Variants in DDI2 observed in about 807,000 individuals in gnomAD.
DDI2 encodes the protein protein DDI1 homolog 2.
DDI2 carries 5 observed loss-of-function variants against 48.1 expected under a neutral mutation model. The observed-to-expected ratio is 0.10, with a 90% confidence interval of 0.05 to 0.22. The LOEUF (loss-of-function observed/expected upper bound fraction) is 0.22. DDI2 is among the 10% of genes least tolerant of loss of function. The pLI, the probability that DDI2 is intolerant of heterozygous loss-of-function variation, is 1.00. For missense variants in DDI2, 285 were observed against 506.2 expected (o/e 0.56, Z 4.19); for synonymous variants, 205 against 183.6 (o/e 1.12, Z -0.94).
At chr1:15,654,757 AG>A (rs1640246123) in intron 8 of DDI2, among the ~76,000 whole-genome samples, 1 of 152,102 alleles carries the variant, frequency 6.6e-6, no homozygotes, top group South Asian at 2.1e-4. Flanking sequence ...TTTTGTAGGA[AG>A]GGAGGAATTT....
intron 1 of DDI2, among the ~76,000 whole-genome samples, chr1:15,618,193 A>T (rs766271612): frequency 6.6e-6 from 1 of 151,336 alleles, no homozygotes; most frequent in South Asian, 2.1e-4. Context: ...TAGGATTCAT[A>T]CATCCTGCAA....
intron 4 of DDI2, chr1:15,634,293 T>G (rs1222523311): frequency 6.6e-6 from 1 of 152,666 alleles, no homozygotes; most frequent in Non-Finnish European, 1.5e-5. Flanking sequence ...TGTTCAGTCA[T>G]TCTCTGAAAA....
At chr1:15,655,098 A>G (rs1243813303) in intron 8 of DDI2, among the ~76,000 whole-genome samples, 4 of 152,152 alleles carry the variant, frequency 2.6e-5, no homozygotes, top group Admixed American at 1.3e-4. Context: ...AGATACACAT[A>G]TGTTTCCAGG....
At chr1:15,630,201 G>A in intron 2 of DDI2, 124 bp from the exon 3 acceptor site, 2 of 857,620 alleles carry the variant, frequency 2.3e-6, no homozygotes, top group Non-Finnish European at 3.8e-6. Flanking sequence ...AAAGAACAAG[G>A]TTAAAGTCTA....
intron 1 of DDI2, among the ~76,000 whole-genome samples, chr1:15,623,469 C>T (rs1471059725): frequency 2.7e-5 from 4 of 147,352 alleles, no homozygotes; most frequent in Non-Finnish European, 5.9e-5. Context: ...TCATAACTCA[C>T]TGCAACCTCG....
intron 4 of DDI2, among the ~76,000 whole-genome samples, chr1:15,636,281 C>T (rs1032627379): frequency 1.3e-5 from 2 of 152,094 alleles, no homozygotes; most frequent in African/African-American, 4.8e-5. Context: ...GGCACACCAC[C>T]ACACCTGGCT....
chr1:15,639,147 G>A (rs1404370535), intron 5 of DDI2, among the ~76,000 whole-genome samples: 1 of 152,026 alleles, frequency 6.6e-6, no homozygotes, highest in African/African-American at 2.4e-5. Flanking sequence ...TAACAACCAA[G>A]TAAGGAGACA....
chr1:15,661,482 C>G lies in DDI2; in HGVS notation c.*1692C>G. The G allele has an allele frequency of 6.2e-7, 1 of 1,613,856 alleles. No homozygotes were observed. The highest frequency in any genetic ancestry group is 8.5e-7 in the Non-Finnish European group (1 of 1,179,876). On this transcript the variant is annotated 3_prime_UTR_variant, in exon 10 of 10. Transcript: ENST00000480945. ...ATTCAGTAACAGACAGGCCTGAAACCAGAGAAAATGTCTGTCCTGATGCTT... is the reference window on the plus strand; with the variant it reads ...ATTCAGTAACAGACAGGCCTGAAACGAGAGAAAATGTCTGTCCTGATGCTT...
At chr1:15,657,841 T>C (rs776644923) in intron 9 of DDI2, among the ~76,000 whole-genome samples, 1 of 152,240 alleles carries the variant, frequency 6.6e-6, no homozygotes, top group Non-Finnish European at 1.5e-5. Flanking sequence ...TTCTAGACTC[T>C]AATGGGTATA....
At chr1:15,623,853 G>T (rs1639710622) in intron 1 of DDI2, among the ~76,000 whole-genome samples, 1 of 152,026 alleles carries the variant, frequency 6.6e-6, no homozygotes. Context: ...AAGGTTAGGA[G>T]ATCGAGACCA....
At chr1:15,629,121 T>G (rs567198979) in intron 2 of DDI2, among the ~76,000 whole-genome samples, 12 of 152,338 alleles carry the variant, frequency 7.9e-5, no homozygotes, top group African/African-American at 2.9e-4. Context: ...TTTTCTTCTT[T>G]CTTTTCTATA....
In DDI2 at chr1:15,649,701, C is replaced by G; in HGVS notation, c.890-19C>G. 6.2e-7 allele frequency: 1 copy of G among 1,603,968 alleles called. No individual in the cohort carries two copies. The highest frequency in any genetic ancestry group is 8.5e-7 in the Non-Finnish European group (1 of 1,176,384). On this transcript the variant is annotated intron_variant, in intron 6 of 9. Coordinates refer to ENST00000480945, the MANE Select transcript of DDI2 (RefSeq NM_032341.5). The stretch of plus-strand genomic sequence containing the variant: ...TTGAAGTACGTAACAATAACCTTTT[C>G]TCTTCATGTGCTTTTTAGCTCAGGT...
In DDI2 at chr1:15,659,845, G is replaced by A; in HGVS notation, c.*55G>A. On this transcript the variant is annotated 3_prime_UTR_variant, in exon 10 of 10. Coordinates refer to ENST00000480945, the MANE Select transcript of DDI2 (RefSeq NM_032341.5). ...CCCTGTGTTCCATATAGAGAAAAGT[G>A]GTAAAGAATCTACCTCACTGGGAAT... 1 of 1,533,866 alleles carries A rather than the reference G, an allele frequency of 6.5e-7. No homozygotes were observed. The highest frequency in any genetic ancestry group is 8.7e-7 in the Non-Finnish European group (1 of 1,146,554).
chr1:15,627,590 G>C (rs1015485121), intron 2 of DDI2, among the ~76,000 whole-genome samples: 5 of 152,218 alleles, frequency 3.3e-5, no homozygotes, highest in African/African-American at 1.2e-4. Flanking sequence ...GTGAATGTGT[G>C]TGTGCACTGG....
chr1:15,640,954 G>A (rs1639997723), intron 5 of DDI2, among the ~76,000 whole-genome samples: 2 of 152,184 alleles, frequency 1.3e-5, no homozygotes, highest in African/African-American at 2.4e-5. Flanking sequence ...AAGCAGGGCA[G>A]GGACCATTTT....
At chr1:15,622,885 G>A (rs1639690348) in intron 1 of DDI2, among the ~76,000 whole-genome samples, 1 of 152,176 alleles carries the variant, frequency 6.6e-6, no homozygotes, top group Non-Finnish European at 1.5e-5. Flanking sequence ...AGATTAAAAT[G>A]GAGCACAGCT....
intron 8 of DDI2, among the ~76,000 whole-genome samples, chr1:15,655,620 G>T (rs1199174761): frequency 6.6e-6 from 1 of 152,004 alleles, no homozygotes; most frequent in Non-Finnish European, 1.5e-5. Flanking sequence ...AGGCATGGTT[G>T]TGGGCGCCTG....
rs1257100433 is a variant in DDI2, at chr1:15,644,578, GTTTTTTTTGTTTTTTT to G, written c.889+937_889+952del. Among the ~76,000 whole-genome samples the G allele has an allele frequency of 9.6e-4, 106 of 110,150 alleles. 2 individuals are homozygous for G. Among genetic ancestry groups the G allele is most frequent in the African/African-American group, 3.4e-3 (95 of 28,156 alleles). The allele number at this position is 110,150 out of a possible 152,430, so 72.3% of individuals were successfully genotyped here. ...TGTGAAAGTTTTCTTTTTCTTTTCA[GTTTTTTTTGTTTTTTT>G]TTTTTTTTTTTTTTTTTGAGACGGA... On this transcript the variant is annotated intron_variant, in intron 6 of 9. Coordinates refer to ENST00000480945, the MANE Select transcript of DDI2 (RefSeq NM_032341.5).
At chr1:15,623,864 T>C (rs1639710822) in intron 1 of DDI2, among the ~76,000 whole-genome samples, 1 of 151,766 alleles carries the variant, frequency 6.6e-6, no homozygotes, top group Non-Finnish European at 1.5e-5. Context: ...ATCGAGACCA[T>C]CCTGGCTAAC....
Sources: allele counts gnomAD v4.1 joint callset (sites outside exome capture counted in the v4.1 genomes callset), GRCh38; gene constraint gnomAD v4.1.1; transcripts MANE v1.5; gene names NCBI Gene and HGNC (gene_info 2026-07-23, HGNC 2026-07-21).